The following RALGPS2 variants were observed in gnomAD, a reference collection of about 807,000 sequenced individuals.
RALGPS2 encodes ras-specific guanine nucleotide-releasing factor RalGPS2.
RALGPS2 carries 43 observed loss-of-function variants against 86.8 expected under a neutral mutation model. The observed-to-expected ratio is 0.50, with a 90% CI of 0.39 to 0.64. RALGPS2 has a LOEUF of 0.64. Ranked by LOEUF, RALGPS2 falls within the 30% of genes least tolerant of loss-of-function variation. The probability of loss-of-function intolerance (pLI) is 0.00; values close to 1 mark genes in which losing one functional copy is unlikely to be tolerated. For missense variants in RALGPS2, 536 were observed against 694.6 expected, an observed-to-expected ratio of 0.77 and a Z score of 2.57; for synonymous variants, 243 against 231.3, an observed-to-expected ratio of 1.05 and a Z score of -0.46.
chr1:178,889,822 G>T, intron 14 of RALGPS2, 126 bp downstream of exon 14: 1 of 556,948 alleles, frequency 1.8e-6, no homozygotes, highest in Non-Finnish European at 3.1e-6. Flanking sequence ...ACTGGTAAAA[G>T]AAATTAGAAG....
chr1:178,832,036 G>A (rs1043529321), intron 7 of RALGPS2, among the ~76,000 whole-genome samples: 2 of 152,154 alleles, frequency 1.3e-5, no homozygotes, highest in Non-Finnish European at 2.9e-5. Flanking sequence ...AAAATAAAGA[G>A]CAGGTTTATC....
intron 7 of RALGPS2, among the ~76,000 whole-genome samples, chr1:178,823,198 T>C (rs1472587480): frequency 1.3e-5 from 2 of 152,238 alleles, no homozygotes. Flanking sequence ...CTTGAAGATA[T>C]TTTCATTGCC....
intron 7 of RALGPS2, among the ~76,000 whole-genome samples, chr1:178,824,207 G>C (rs1025884604): frequency 6.6e-5 from 10 of 152,120 alleles, no homozygotes; most frequent in African/African-American, 1.9e-4. Flanking sequence ...AAACTGACTG[G>C]AGTTGAGAGA....
In RALGPS2 at chr1:178,811,312, C is replaced by G; in HGVS notation, c.298-3C>G. The G allele has an allele frequency of 6.6e-7, 1 of 1,524,412 alleles. No homozygotes were observed. The highest frequency in any genetic ancestry group is 8.8e-7 in the Non-Finnish European group (1 of 1,142,460). The allele number at this position is 1,524,412 out of a possible 1,614,324, so 94.4% of individuals were successfully genotyped here. On this transcript the variant is annotated splice_polypyrimidine_tract_variant and splice_region_variant and intron_variant, in intron 5 of 19. Transcript: ENST00000367635. ...GATATTTATTTAAAATTTTTATTTA[C>G]AGGTAAGCTTTTGGGTTGTTAGAGA...
intron 1 of RALGPS2, among the ~76,000 whole-genome samples, chr1:178,762,613 G>A (rs1652300813): frequency 6.6e-6 from 1 of 152,140 alleles, no homozygotes; most frequent in Admixed American, 6.6e-5. Context: ...TAGTAATGTT[G>A]AGCATTTTTT....
At chr1:178,776,940 C>CT (rs1449459201) in intron 2 of RALGPS2, 119 bp downstream of exon 2, 278 of 725,812 alleles carry the variant, frequency 3.8e-4, no homozygotes, top group Non-Finnish European at 4.4e-4. Context: ...TACACATTTC[C>CT]TTTTTTTTTA....
intron 18 of RALGPS2, among the ~76,000 whole-genome samples, chr1:178,902,426 TTAA>T (rs1660217343): frequency 6.6e-6 from 1 of 152,110 alleles, no homozygotes. Flanking sequence ...ATTATGTATT[TTAA>T]TAATATTTGT....
intron 14 of RALGPS2, 93 bp from the exon 15 acceptor site, chr1:178,892,137 C>A: frequency 9.1e-7 from 1 of 1,102,314 alleles, no homozygotes. Context: ...AGCTATATTA[C>A]AAGAAGAAAC....
intron 13 of RALGPS2, 113 bp downstream of exon 13, chr1:178,886,233 A>G: frequency 9.2e-7 from 1 of 1,081,130 alleles, no homozygotes; most frequent in Non-Finnish European, 1.3e-6. Flanking sequence ...TTAAAAAAAC[A>G]AAGTAGCAGT....
chr1:178,907,966 G>C (rs1356745101), intron 19 of RALGPS2, among the ~76,000 whole-genome samples: 1 of 152,096 alleles, frequency 6.6e-6, no homozygotes, highest in Admixed American at 6.5e-5. Flanking sequence ...GGTTCAGAGG[G>C]TACTTGTGCA....
Position 178,866,764 on chromosome 1 carries a change from T to C in RALGPS2, c.608-10734T>C, listed in dbSNP as rs936894371. Among the ~76,000 whole-genome samples the C allele has an allele frequency of 3.9e-5, 6 of 152,272 alleles. No homozygotes were observed. In the South Asian group the frequency reaches 1.2e-3, roughly 32 times the overall value. The stretch of plus-strand genomic sequence containing the variant: ...GGTCTAGATCGGATTCTCTGACCCA[T>C]AGTCAGTATTTATAGAAGCAGCACC... On this transcript the variant is annotated intron_variant, in intron 8 of 19. Transcript: ENST00000367635.
At chr1:178,868,712 G>A (rs1157119867) in intron 8 of RALGPS2, among the ~76,000 whole-genome samples, 2 of 151,986 alleles carry the variant, frequency 1.3e-5, no homozygotes, top group Non-Finnish European at 2.9e-5. Flanking sequence ...TTGGCTCATT[G>A]TGGTTCCTAT....
intron 8 of RALGPS2, among the ~76,000 whole-genome samples, chr1:178,866,981 G>T (rs529172283): frequency 1.3e-5 from 2 of 152,066 alleles, no homozygotes; most frequent in East Asian, 1.9e-4. Context: ...CTACTAACGA[G>T]CTGGTCTATT....
rs117938195 is a variant in RALGPS2, at chr1:178,802,464, A to G, written c.214-5581A>G. On this transcript the variant is annotated intron_variant, in intron 4 of 19. Coordinates refer to ENST00000367635, the MANE Select transcript of RALGPS2 (RefSeq NM_152663.5). The stretch of plus-strand genomic sequence containing the variant: ...CATGGTGTTATTCAAGGTTTAGGAT[A>G]TTGCACTAAACACGATGAAAAATAA... Among the ~76,000 whole-genome samples, 28 of 152,290 alleles carry G rather than the reference A, an allele frequency of 1.8e-4. No individual in the cohort carries two copies. In the East Asian group the frequency reaches 5.0e-3, roughly 27 times the overall value.
chr1:178,810,343 C>T (rs1476586286), intron 5 of RALGPS2, among the ~76,000 whole-genome samples: 1 of 152,054 alleles, frequency 6.6e-6, no homozygotes, highest in East Asian at 1.9e-4. Context: ...GCCGAGATCA[C>T]CCCACTACAC....
At chr1:178,885,039 G>C (rs1659414902) in intron 11 of RALGPS2, 37 bp from the exon 12 acceptor site, 2 of 1,530,566 alleles carry the variant, frequency 1.3e-6, no homozygotes, top group African/African-American at 2.8e-5. Context: ...GAAAAATAAA[G>C]TAATCATTTG....
intron 7 of RALGPS2, among the ~76,000 whole-genome samples, chr1:178,831,756 G>C (rs1656033482): frequency 6.6e-6 from 1 of 151,738 alleles, no homozygotes; most frequent in Admixed American, 6.6e-5. Context: ...TAGAGCTTCT[G>C]AGCTATCATT....
chr1:178,792,363 C>A (rs1653994964), intron 4 of RALGPS2, among the ~76,000 whole-genome samples: 1 of 152,186 alleles, frequency 6.6e-6, no homozygotes, highest in African/African-American at 2.4e-5. Context: ...CTTTCCACTT[C>A]TTTCTCTGTC....
intron 1 of RALGPS2, among the ~76,000 whole-genome samples, chr1:178,746,121 C>T (rs576097576): frequency 4.6e-5 from 7 of 151,622 alleles, no homozygotes; most frequent in African/African-American, 7.3e-5. Context: ...CACACCCAGC[C>T]GAAGAGAGAA....
Sources: gnomAD v4.1 joint callset for allele counts (sites outside exome capture counted in the v4.1 genomes callset) on GRCh38, gnomAD v4.1.1 for gene constraint, MANE v1.5 for transcripts, NCBI Gene and HGNC (gene_info 2026-07-23, HGNC 2026-07-21) for gene names.